The following CLVS1 variants were observed in gnomAD, a reference collection of about 807,000 sequenced individuals.
The protein encoded by CLVS1 is clavesin 1, also known as clavesin-1.
A neutral mutation model predicts 33.1 loss-of-function variants in CLVS1; 10 were observed. The observed-to-expected ratio is 0.30, with a 90% CI of 0.19 to 0.51. The LOEUF is 0.51. Among genes scored for constraint, CLVS1 ranks in the 20% least tolerant of loss-of-function variants. The pLI is 0.97. For synonymous variants in CLVS1, 163 were observed against 166.1 expected (o/e 0.98, Z 0.14); for missense variants, 343 against 433.4 (o/e 0.79, Z 1.85).
intron 3 of CLVS1, among the ~76,000 whole-genome samples, chr8:61,399,235 A>G (rs1471646717): frequency 6.6e-6 from 1 of 152,070 alleles, no homozygotes; most frequent in Non-Finnish European, 1.5e-5. Flanking sequence ...CTTTTTAATA[A>G]TAGCCATTCT....
intron 5 of CLVS1, among the ~76,000 whole-genome samples, chr8:61,498,907 CTG>C (rs1418956749): frequency 6.6e-6 from 1 of 152,100 alleles, no homozygotes; most frequent in Non-Finnish European, 1.5e-5. Context: ...TCCAATGACT[CTG>C]AGAGACAAAA....
At chr8:61,246,241 C>A (rs1808807960) in intron 2 of CLVS1, among the ~76,000 whole-genome samples, 1 of 117,906 alleles carries the variant, frequency 8.5e-6, no homozygotes, top group East Asian at 2.7e-4. Flanking sequence ...GTGATCTCGG[C>A]TCACTGGAAC....
chr8:61,337,456 G>A (rs922583946), intron 2 of CLVS1, among the ~76,000 whole-genome samples: 3 of 152,182 alleles, frequency 2.0e-5, no homozygotes, highest in Non-Finnish European at 2.9e-5. Context: ...GCACTGGACA[G>A]TCCCTCTCCC....
At position 61,458,482 on chromosome 8, in the gene CLVS1, T is replaced by A. The variant is rs2129607197; in HGVS notation, c.917T>A (p.Met306Lys). ...TATACTCACACATCCTATAATGCAA[T>A]GCACGTGAAGCATACGTCCTCGAAT... ...NDYTHTSYNAMHVKHTSSNLE... is the reference protein window; with the variant it reads ...NDYTHTSYNAKHVKHTSSNLE... The change falls in exon 5 of 6, where the codon ATG becomes AAG. Residue 306 changes from methionine to lysine, a missense_variant. Transcript: ENST00000325897. The A allele has an allele frequency of 6.2e-7, 1 of 1,613,894 alleles. No individual in the cohort carries two copies. The highest frequency in any genetic ancestry group is 1.3e-5 in the African/African-American group (1 of 75,006).
intron 2 of CLVS1, among the ~76,000 whole-genome samples, chr8:61,310,505 G>A (rs560533147): frequency 2.2e-4 from 34 of 152,162 alleles, no homozygotes; most frequent in Non-Finnish European, 4.4e-4. Flanking sequence ...TGCAAAATCA[G>A]ACATTAACGA....
At chr8:61,410,997 A>G (rs1873888) in intron 3 of CLVS1, among the ~76,000 whole-genome samples, 103,594 of 152,018 alleles carry the variant, frequency 0.68, 36,032 homozygotes, top group Non-Finnish European at 0.75. Flanking sequence ...TTCTCCTCCT[A>G]CGCTTGTGCT....
chr8:61,360,931 G>A (rs1812948816), intron 2 of CLVS1, among the ~76,000 whole-genome samples: 5 of 152,008 alleles, frequency 3.3e-5, no homozygotes. Flanking sequence ...TTGGTTCATA[G>A]TTCTGCAGGC....
chr8:61,095,647 A>G (rs1669975595), intron 1 of CLVS1, among the ~76,000 whole-genome samples: 1 of 152,202 alleles, frequency 6.6e-6, no homozygotes, highest in South Asian at 2.1e-4. Flanking sequence ...AGAGTTTTCC[A>G]GAAGACTTGC....
At chr8:61,035,042 T>C in the CLVS1 span, among the ~76,000 whole-genome samples, 4 of 152,238 alleles carry the variant, frequency 2.6e-5, no homozygotes, top group Non-Finnish European at 5.9e-5. Flanking sequence ...ATCTGTATTA[T>C]TCAAAAATTA....
intron 2 of CLVS1, among the ~76,000 whole-genome samples, chr8:61,140,451 A>T (rs1411484174): frequency 1.3e-5 from 2 of 152,260 alleles, no homozygotes; most frequent in African/African-American, 4.8e-5. Context: ...TGGCTGGTTG[A>T]GTCAAATTCC....
chr8:61,398,191 T>C (rs2129603422), intron 3 of CLVS1, among the ~76,000 whole-genome samples: 1 of 151,072 alleles, frequency 6.6e-6, no homozygotes, highest in South Asian at 2.1e-4. Context: ...CTTTTTTTTT[T>C]TTTTTTTTGA....
intron 3 of CLVS1, among the ~76,000 whole-genome samples, chr8:61,443,294 C>CT (rs1414969109): frequency 6.6e-6 from 1 of 152,202 alleles, no homozygotes; most frequent in African/African-American, 2.4e-5. Context: ...GGAGGCAAGT[C>CT]TAAGAACCTC....
intron 2 of CLVS1, among the ~76,000 whole-genome samples, chr8:61,235,270 G>A (rs1808531570): frequency 6.6e-6 from 1 of 152,168 alleles, no homozygotes. Flanking sequence ...AGTGACCAGA[G>A]AAAGTACCCA....
intron 5 of CLVS1, among the ~76,000 whole-genome samples, chr8:61,476,432 T>G (rs1327874001): frequency 6.6e-6 from 1 of 152,254 alleles, no homozygotes. Flanking sequence ...CCCATGAGCA[T>G]GGAATGTTCT....
chr8:61,126,543 C>G (rs1234651103), intron 1 of CLVS1, among the ~76,000 whole-genome samples: 1 of 152,098 alleles, frequency 6.6e-6, no homozygotes, highest in Non-Finnish European at 1.5e-5. Flanking sequence ...TCCAATGGAA[C>G]TGATAATATT....
At chr8:61,453,132 T>C (rs1051810725) in intron 3 of CLVS1, among the ~76,000 whole-genome samples, 3 of 152,112 alleles carry the variant, frequency 2.0e-5, no homozygotes, top group Non-Finnish European at 2.9e-5. Context: ...CATACAAAGA[T>C]GTTTGTGGCA....
At position 61,299,962 on chromosome 8, in the gene CLVS1, C is replaced by T. The variant is rs981496938; in HGVS notation, c.135C>T (p.Asn45=). 10 of 1,613,836 alleles carry T rather than the reference C, an allele frequency of 6.2e-6. No homozygotes were observed. The highest frequency in any genetic ancestry group is 1.1e-5 in the South Asian group (1 of 91,078). The change falls in exon 2 of 6, where the codon AAC becomes AAT. Residue 45 remains asparagine, a synonymous_variant. Coordinates refer to ENST00000325897, the MANE Select transcript of CLVS1 (RefSeq NM_173519.3). ...AAGCTCGCCTGGAACTGAATGAAAA[C>T]CCCGATGTTTTACATCAGGATATTC... is the stretch of plus-strand genomic sequence containing the variant. The part of the protein sequence containing the change: ...IEKARLELNE[N]PDVLHQDIQQ...
At chr8:61,281,532 T>A (rs1809670939) in intron 2 of CLVS1, among the ~76,000 whole-genome samples, 1 of 152,126 alleles carries the variant, frequency 6.6e-6, no homozygotes, top group African/African-American at 2.4e-5. Context: ...TAGAAACCAA[T>A]CCTGCTGGCA....
intron 3 of CLVS1, among the ~76,000 whole-genome samples, chr8:61,451,727 A>G (rs1316520287): frequency 6.6e-6 from 1 of 151,990 alleles, no homozygotes; most frequent in African/African-American, 2.4e-5. Context: ...GAGGCAACCA[A>G]TAATGATGTG....
Sources: gnomAD v4.1 joint callset for allele counts (sites outside exome capture counted in the v4.1 genomes callset) on GRCh38, gnomAD v4.1.1 for gene constraint, MANE v1.5 for transcripts, NCBI Gene and HGNC (gene_info 2026-07-23, HGNC 2026-07-21) for gene names.